The following SEMA6D variants were observed in gnomAD, a reference collection of about 807,000 sequenced individuals.
The protein encoded by SEMA6D is semaphorin 6D, also known as semaphorin-6D.
SEMA6D carries 35 observed loss-of-function variants against 106.6 expected under a neutral mutation model. That is an observed-to-expected ratio of 0.33 (90% CI 0.25 to 0.44). SEMA6D has a LOEUF of 0.44. Ranked by LOEUF, SEMA6D falls within the 20% of genes least tolerant of loss-of-function variation. SEMA6D has a pLI of 1.00. For missense variants in SEMA6D, 1,185 were observed against 1,345.9 expected (o/e 0.88, Z 1.87); for synonymous variants, 499 against 487.7 (o/e 1.02, Z -0.31).
intron 1 of SEMA6D, among the ~76,000 whole-genome samples, chr15:47,273,178 C>G (rs1229501696): frequency 2.0e-5 from 3 of 151,838 alleles, no homozygotes; most frequent in African/African-American, 7.3e-5. Flanking sequence ...TTAGTTTTGC[C>G]TTTTATTTCT....
chr15:47,352,763 A>G (rs530519801), intron 1 of SEMA6D, among the ~76,000 whole-genome samples: 100 of 152,294 alleles, frequency 6.6e-4, no homozygotes, highest in African/African-American at 2.3e-3. Context: ...ATTGAATAGT[A>G]TATACTGCAA....
At chr15:47,322,166 A>T (rs1340129045) in intron 1 of SEMA6D, among the ~76,000 whole-genome samples, 1 of 152,172 alleles carries the variant, frequency 6.6e-6, no homozygotes, top group South Asian at 2.1e-4. Context: ...TTGCAAAAAT[A>T]GTACAGAGAT....
intron 3 of SEMA6D, among the ~76,000 whole-genome samples, chr15:47,547,957 A>T (rs1017470730): frequency 2.6e-5 from 4 of 152,132 alleles, no homozygotes; most frequent in African/African-American, 9.7e-5. Context: ...AGAATTTCCC[A>T]CCTCTAAAAT....
At chr15:47,223,546 T>C (rs2031393474) in intron 1 of SEMA6D, among the ~76,000 whole-genome samples, 1 of 152,050 alleles carries the variant, frequency 6.6e-6, no homozygotes, top group South Asian at 2.1e-4. Context: ...CTGTGCTTCA[T>C]ATGGACAGTT....
At chr15:47,623,475 A>G (rs1003078996) in intron 4 of SEMA6D, among the ~76,000 whole-genome samples, 5 of 152,344 alleles carry the variant, frequency 3.3e-5, no homozygotes, top group African/African-American at 1.2e-4. Context: ...AGTAAAATTT[A>G]TCTTGATTTG....
intron 2 of SEMA6D, among the ~76,000 whole-genome samples, chr15:47,441,869 G>A (rs543289697): frequency 1.3e-5 from 2 of 151,820 alleles, no homozygotes; most frequent in South Asian, 4.2e-4. Context: ...GTGGGTGACT[G>A]CCACATCTCT....
At chr15:47,212,822 T>A (rs1201311238) in intron 1 of SEMA6D, among the ~76,000 whole-genome samples, 1 of 151,950 alleles carries the variant, frequency 6.6e-6, no homozygotes, top group African/African-American at 2.4e-5. Context: ...AGATGTGGAT[T>A]CAAATCTTTT....
At chr15:47,261,217 C>G (rs2034061395) in intron 1 of SEMA6D, among the ~76,000 whole-genome samples, 1 of 152,134 alleles carries the variant, frequency 6.6e-6, no homozygotes, top group African/African-American at 2.4e-5. Flanking sequence ...TATTTATTGT[C>G]TAGTGCTCCC....
intron 1 of SEMA6D, chr15:47,730,869 C>A (rs1782053374): frequency 8.5e-7 from 1 of 1,171,260 alleles, no homozygotes; most frequent in Non-Finnish European, 1.3e-6. Context: ...TTCTTAGCCT[C>A]CTGCTTCTTC....
intron 2 of SEMA6D, among the ~76,000 whole-genome samples, chr15:47,437,807 C>T (rs1371507475): frequency 1.3e-5 from 2 of 151,920 alleles, no homozygotes; most frequent in African/African-American, 4.8e-5. Flanking sequence ...AAACCTTGGG[C>T]TCTCTCTCTC....
intron 3 of SEMA6D, among the ~76,000 whole-genome samples, chr15:47,535,601 A>G (rs1258195787): frequency 1.3e-5 from 2 of 152,016 alleles, no homozygotes; most frequent in Admixed American, 6.6e-5. Context: ...ACAACAAATC[A>G]GGTAAGTTGA....
At chr15:47,400,346 C>T (rs751261582) in intron 1 of SEMA6D, among the ~76,000 whole-genome samples, 4 of 151,808 alleles carry the variant, frequency 2.6e-5, no homozygotes, top group African/African-American at 4.8e-5. Context: ...AAAAATTAGC[C>T]GGTGTGGTGG....
At chr15:47,320,567 C>A (rs78757187) in intron 1 of SEMA6D, among the ~76,000 whole-genome samples, 22,482 of 152,086 alleles carry the variant, frequency 0.15, 1,804 homozygotes, top group East Asian at 0.35. Context: ...TAACTTCTGC[C>A]CCCTTCTCCC....
intron 2 of SEMA6D, among the ~76,000 whole-genome samples, chr15:47,459,532 G>A (rs559874004): frequency 6.6e-6 from 1 of 152,010 alleles, no homozygotes; most frequent in Non-Finnish European, 1.5e-5. Flanking sequence ...TGCACTGGGT[G>A]GTGGTGACTT....
chr15:47,353,280 T>A (rs1037345281), intron 1 of SEMA6D, among the ~76,000 whole-genome samples: 1 of 152,176 alleles, frequency 6.6e-6, no homozygotes, highest in African/African-American at 2.4e-5. Context: ...TGCATTCTAT[T>A]TAGAAGACCA....
At chr15:47,473,034 A>G (rs1349685974) in intron 3 of SEMA6D, among the ~76,000 whole-genome samples, 1 of 152,244 alleles carries the variant, frequency 6.6e-6, no homozygotes, top group Admixed American at 6.5e-5. Context: ...CCAAAGAGTC[A>G]TGGGAACTTC....
At chr15:47,276,747 A>G (rs1195540384) in intron 1 of SEMA6D, among the ~76,000 whole-genome samples, 1 of 152,194 alleles carries the variant, frequency 6.6e-6, no homozygotes, top group Non-Finnish European at 1.5e-5. Context: ...TCTGTGGCCC[A>G]TGGATCAAGG....
intron 1 of SEMA6D, among the ~76,000 whole-genome samples, chr15:47,349,431 C>T (rs982114294): frequency 6.6e-6 from 1 of 152,116 alleles, no homozygotes; most frequent in Non-Finnish European, 1.5e-5. Context: ...AAGAGACATT[C>T]GCAGATGTGG....
chr15:47,508,957 G>A (rs546388736), intron 3 of SEMA6D, among the ~76,000 whole-genome samples: 13 of 151,784 alleles, frequency 8.6e-5, no homozygotes, highest in South Asian at 2.1e-4. Flanking sequence ...TTTTTTTTGC[G>A]GGGGGAGACA....
Sources: gnomAD v4.1 joint callset for allele counts (sites outside exome capture counted in the v4.1 genomes callset) on GRCh38, gnomAD v4.1.1 for gene constraint, MANE v1.5 for transcripts, NCBI Gene and HGNC (gene_info 2026-07-23, HGNC 2026-07-21) for gene names.